The following DZANK1 variants were observed in gnomAD, a reference collection of about 807,000 sequenced individuals.
DZANK1 encodes the protein double zinc ribbon and ankyrin repeat-containing protein 1.
In DZANK1, 91 loss-of-function variants were observed where a neutral mutation model predicts 94.5. That is an observed-to-expected ratio of 0.96 (90% confidence interval 0.81 to 1.15). The LOEUF is 1.15. DZANK1 is among the 50% of genes most tolerant of loss of function. The pLI is 0.00. For missense variants in DZANK1, 903 were observed against 916.4 expected, an observed-to-expected ratio of 0.99 and a Z score of 0.19; for synonymous variants, 312 against 325.3, an observed-to-expected ratio of 0.96 and a Z score of 0.44.
intron 3 of DZANK1, among the ~76,000 whole-genome samples, chr20:18,459,128 G>A (rs149426639): frequency 3.0e-4 from 46 of 152,288 alleles, no homozygotes; most frequent in African/African-American, 1.0e-3. Flanking sequence ...AAGGAGGCCT[G>A]CTTTACAGCA....
At chr20:18,408,666 G>A (rs570974256) in intron 13 of DZANK1, among the ~76,000 whole-genome samples, 2 of 152,242 alleles carry the variant, frequency 1.3e-5, no homozygotes, top group South Asian at 2.1e-4. Context: ...TATATGTCTG[G>A]CAAAAATATC....
rs1197482615 is a variant in DZANK1 at position 18,389,842 on chromosome 20, A to G, written c.1891-14T>C. On this transcript the variant is annotated splice_polypyrimidine_tract_variant and intron_variant, in intron 18 of 20. Transcript: ENST00000262547. ...GGGGTCTGCTCCCTGCAGCAAACGG[A>G]AAAGGACAAACTCTCCAAAACACCC... is the stretch of plus-strand genomic sequence containing the variant. 1.2e-6 allele frequency: 2 copies of G among 1,613,414 alleles called. No homozygotes were observed. The highest frequency in any genetic ancestry group is 1.7e-5 in the Admixed American group (1 of 59,962).
At chr20:18,449,480 A>G (rs1013689570) in intron 6 of DZANK1, among the ~76,000 whole-genome samples, 46 of 152,166 alleles carry the variant, frequency 3.0e-4, no homozygotes, top group African/African-American at 1.1e-3. Flanking sequence ...TTCATTAAAA[A>G]TGAGAGTTTA....
intron 13 of DZANK1, among the ~76,000 whole-genome samples, chr20:18,406,100 T>A (rs527901979): frequency 6.6e-6 from 1 of 152,152 alleles, no homozygotes; most frequent in Admixed American, 6.5e-5. Flanking sequence ...GGATCATAGG[T>A]AAACTTGAAA....
intron 3 of DZANK1, among the ~76,000 whole-genome samples, chr20:18,458,903 A>C (rs2059379069): frequency 6.6e-6 from 1 of 152,246 alleles, no homozygotes; most frequent in Non-Finnish European, 1.5e-5. Context: ...TTGAAAACTC[A>C]AACGTTTTTA....
rs143877451 is a variant in DZANK1, at chr20:18,448,356, G to C, written c.629+628C>G. Among the ~76,000 whole-genome samples, 367 of 152,256 alleles carry C rather than the reference G, an allele frequency of 2.4e-3. 5 individuals are homozygous for C. Among genetic ancestry groups the C allele is most frequent in the Admixed American group, 0.02 (309 of 15,288 alleles). The stretch of plus-strand genomic sequence containing the variant: ...CAAGTTAAACTATAGTGACAAGAAA[G>C]AAATCAATAATTGCCTGTGATGAGC... On this transcript the variant is annotated intron_variant, in intron 7 of 20. Transcript: ENST00000262547.
chr20:18,457,683 C>T (rs148894178), intron 3 of DZANK1, among the ~76,000 whole-genome samples: 2 of 152,284 alleles, frequency 1.3e-5, no homozygotes, highest in Non-Finnish European at 2.9e-5. Context: ...ACATTCCAGC[C>T]AATTGGAAGC....
At chr20:18,445,332 C>T (rs908727744) in intron 7 of DZANK1, among the ~76,000 whole-genome samples, 1 of 152,074 alleles carries the variant, frequency 6.6e-6, no homozygotes, top group Non-Finnish European at 1.5e-5. Context: ...TATCAAAGTA[C>T]ATGAAGAAAA....
chr20:18,464,209 G>C (rs1019223889), intron 2 of DZANK1, among the ~76,000 whole-genome samples: 1 of 152,054 alleles, frequency 6.6e-6, no homozygotes, highest in Non-Finnish European at 1.5e-5. Flanking sequence ...GAGTAGCTGG[G>C]ATTACAGGCA....
chr20:18,424,798 C>A (rs968150081), intron 10 of DZANK1, among the ~76,000 whole-genome samples: 4 of 152,016 alleles, frequency 2.6e-5, no homozygotes, highest in African/African-American at 9.7e-5. Context: ...GCACTGGAAA[C>A]AGCATGAGTA....
At chr20:18,396,821 A>G (rs2056370626) in intron 14 of DZANK1, among the ~76,000 whole-genome samples, 1 of 152,246 alleles carries the variant, frequency 6.6e-6, no homozygotes, top group Non-Finnish European at 1.5e-5. Context: ...ATAAAAAGGC[A>G]AGATCCAAAT....
chr20:18,424,621 C>T (rs1277353573), intron 10 of DZANK1, among the ~76,000 whole-genome samples: 2 of 152,044 alleles, frequency 1.3e-5, no homozygotes, highest in Non-Finnish European at 2.9e-5. Flanking sequence ...CTGTTCCTAC[C>T]AGCAATATAT....
At chr20:18,431,411 C>A (rs1299937867) in intron 9 of DZANK1, among the ~76,000 whole-genome samples, 1 of 152,202 alleles carries the variant, frequency 6.6e-6, no homozygotes, top group Non-Finnish European at 1.5e-5. Flanking sequence ...CTGTCAATGG[C>A]ATGCTGCCGC....
At chr20:18,456,148 T>C (rs1227519821) in intron 3 of DZANK1, among the ~76,000 whole-genome samples, 1 of 152,196 alleles carries the variant, frequency 6.6e-6, no homozygotes, top group Non-Finnish European at 1.5e-5. Flanking sequence ...AAACAAAAAA[T>C]GTGTTGCCTA....
chr20:18,392,712 C>T (rs756535735), intron 17 of DZANK1, among the ~76,000 whole-genome samples: 3 of 152,336 alleles, frequency 2.0e-5, no homozygotes, highest in South Asian at 2.1e-4. Flanking sequence ...AACTCTAAAA[C>T]GGTACTGACC....
At chr20:18,391,939 C>T (rs534849267) in intron 17 of DZANK1, among the ~76,000 whole-genome samples, 1 of 152,366 alleles carries the variant, frequency 6.6e-6, no homozygotes, top group Non-Finnish European at 1.5e-5. Flanking sequence ...GATTTCCATT[C>T]CTCATGGAAA....
chr20:18,405,153 T>C (rs542308978), intron 13 of DZANK1, among the ~76,000 whole-genome samples: 2 of 142,850 alleles, frequency 1.4e-5, no homozygotes, highest in Non-Finnish European at 1.5e-5. Context: ...CTGTGATTTG[T>C]ATCATTGCAC....
intron 19 of DZANK1, among the ~76,000 whole-genome samples, chr20:18,387,645 C>A (rs925133986): frequency 1.3e-5 from 2 of 152,172 alleles, no homozygotes; most frequent in Non-Finnish European, 2.9e-5. Flanking sequence ...AGATCCTGAG[C>A]CTGTGTTTCT....
At chr20:18,460,241 C>A in exon 3 of DZANK1, 1 of 1,593,532 alleles carries the variant, frequency 6.3e-7, no homozygotes, top group Non-Finnish European at 8.6e-7. Context: ...TCCCCATAAC[C>A]AATTCTCTTT....
Sources: allele counts gnomAD v4.1 joint callset (sites outside exome capture counted in the v4.1 genomes callset), GRCh38; gene constraint gnomAD v4.1.1; transcripts MANE v1.5; gene names NCBI Gene and HGNC (gene_info 2026-07-23, HGNC 2026-07-21).